SUSD4: variants seen among roughly 807,000 people sequenced by gnomAD.
SUSD4 encodes sushi domain containing 4.
In SUSD4, 41 loss-of-function variants were observed where a neutral mutation model predicts 50.5. The ratio of observed to expected loss-of-function variants is 0.81; its 90% CI spans 0.63 to 1.05. The LOEUF (loss-of-function observed/expected upper bound fraction) is 1.05. Among genes scored for constraint, SUSD4 ranks in the 50% least tolerant of loss-of-function variants. SUSD4 has a pLI of 0.00. For missense variants in SUSD4, 580 were observed against 634.7 expected, an observed-to-expected ratio of 0.91 and a Z score of 0.93; for synonymous variants, 257 against 257.3, an observed-to-expected ratio of 1.00 and a Z score of 0.01.
chr1:223,307,891 T>C (rs1665640078), intron 2 of SUSD4, among the ~76,000 whole-genome samples: 1 of 152,198 alleles, frequency 6.6e-6, no homozygotes, highest in Non-Finnish European at 1.5e-5. Context: ...AAATTTATCA[T>C]GAAAAACTTT....
chr1:223,235,154 G>GAAA, intron 5 of SUSD4: 3 of 1,370,402 alleles, frequency 2.2e-6, no homozygotes, highest in Admixed American at 2.8e-5. Context: ...TCTCTTGATT[G>GAAA]AAAAAAAAAA....
At chr1:223,327,927 T>A (rs1444281713) in intron 2 of SUSD4, among the ~76,000 whole-genome samples, 2 of 152,164 alleles carry the variant, frequency 1.3e-5, no homozygotes. Flanking sequence ...AAGGGTGATG[T>A]CTTGCTTGGC....
intron 2 of SUSD4, among the ~76,000 whole-genome samples, chr1:223,340,958 T>A (rs951669536): frequency 6.6e-6 from 1 of 152,256 alleles, no homozygotes; most frequent in Non-Finnish European, 1.5e-5. Context: ...GGTTTGCATG[T>A]TAGGTGCCGA....
chr1:223,234,605 A>G (rs1660093024), intron 5 of SUSD4, among the ~76,000 whole-genome samples: 1 of 152,192 alleles, frequency 6.6e-6, no homozygotes, highest in Non-Finnish European at 1.5e-5. Flanking sequence ...CCTGTTGGCA[A>G]TGAGCTGCAA....
rs182212288 is a variant in SUSD4 at position 223,224,844 on chromosome 1, A to G, written c.1062-1213T>C. ...ACCCAGGGTGGCTAATAAGTAGCCA[A>G]TAGAACTTGGTTTCTTCCTTTTTTT... On this transcript the variant is annotated intron_variant, in intron 7 of 8. Transcript: ENST00000366878. 6.4e-3 allele frequency among the ~76,000 whole-genome samples: 953 copies of G among 149,306 alleles called. 6 individuals carry two copies. Among genetic ancestry groups the G allele is most frequent in the Middle Eastern group, 0.01 (3 of 286 alleles).
At chr1:223,362,137 C>G (rs2102607253) in intron 2 of SUSD4, among the ~76,000 whole-genome samples, 1 of 152,296 alleles carries the variant, frequency 6.6e-6, no homozygotes, top group East Asian at 1.9e-4. Context: ...CAATAAACAC[C>G]TTTATACTCT....
chr1:223,309,545 G>A (rs1665748136), intron 2 of SUSD4, among the ~76,000 whole-genome samples: 1 of 152,144 alleles, frequency 6.6e-6, no homozygotes, highest in Admixed American at 6.5e-5. Flanking sequence ...GAGTTCCTAA[G>A]GGGCAACCTG....
chr1:223,235,024 G>T, intron 5 of SUSD4: 1 of 1,611,466 alleles, frequency 6.2e-7, no homozygotes, highest in Non-Finnish European at 8.5e-7. Context: ...TTAACACAGG[G>T]CAAAAATAAA....
chr1:223,328,956 C>G (rs1667026043), intron 2 of SUSD4, among the ~76,000 whole-genome samples: 1 of 152,220 alleles, frequency 6.6e-6, no homozygotes, highest in Admixed American at 6.5e-5. Context: ...ACTTCCAAAT[C>G]TCTCTGTCAC....
chr1:223,307,184 C>G (rs1665590131), intron 2 of SUSD4, among the ~76,000 whole-genome samples: 1 of 152,114 alleles, frequency 6.6e-6, no homozygotes, highest in Non-Finnish European at 1.5e-5. Flanking sequence ...AAAAACCTCC[C>G]AAAGCACAAG....
chr1:223,330,963 C>T (rs1301138239), intron 2 of SUSD4, among the ~76,000 whole-genome samples: 1 of 152,122 alleles, frequency 6.6e-6, no homozygotes, highest in Non-Finnish European at 1.5e-5. Flanking sequence ...GGACCTCTGT[C>T]CTAATAAAAA....
rs76074479 is a variant in SUSD4, at chr1:223,229,184, C to A, written c.916+13G>T. The A allele has an allele frequency of 6.3e-7, 1 of 1,588,796 alleles. No homozygotes were observed. Among genetic ancestry groups the A allele is most frequent in the East Asian group, 2.3e-5 (1 of 44,086 alleles). ...GGGTCCATCTCCTCCAAGGGTGAGG[C>A]CTTCAGTCTTACCTGATTTGATGCA... On this transcript the variant is annotated intron_variant, in intron 6 of 8. Coordinates refer to ENST00000366878, the MANE Select transcript of SUSD4 (RefSeq NM_017982.4). This position sits in a 1 kb window ranked among gnomAD's most constrained non-coding sequence, Gnocchi z 4.7.
chr1:223,288,298 G>A (rs369800822), intron 3 of SUSD4, among the ~76,000 whole-genome samples: 3 of 152,270 alleles, frequency 2.0e-5, no homozygotes, highest in South Asian at 2.1e-4. Context: ...CATGTATGCC[G>A]TACTTTGCTT....
At chr1:223,348,489 A>C (rs983098072) in intron 2 of SUSD4, among the ~76,000 whole-genome samples, 1 of 152,160 alleles carries the variant, frequency 6.6e-6, no homozygotes, top group African/African-American at 2.4e-5. Flanking sequence ...TGCCATGTAG[A>C]CAGAAGCCAC....
At chr1:223,364,822 C>G (rs1457144801), upstream of SUSD4, among the ~76,000 whole-genome samples, 2 of 152,086 alleles carry the variant, frequency 1.3e-5, no homozygotes, top group Non-Finnish European at 2.9e-5. The surrounding 1 kb of genome is among the most constrained non-coding windows in gnomAD (Gnocchi z 4.5). Context: ...GCCCGAGTCT[C>G]TTAATTTCCC....
At chr1:223,281,363 A>G (rs1323677321) in intron 3 of SUSD4, among the ~76,000 whole-genome samples, 1 of 152,238 alleles carries the variant, frequency 6.6e-6, no homozygotes, top group Non-Finnish European at 1.5e-5. Context: ...AGAAGAAAAG[A>G]GAGAAGAATC....
intron 2 of SUSD4, among the ~76,000 whole-genome samples, chr1:223,297,180 G>C (rs1558226659): frequency 2.0e-5 from 3 of 152,242 alleles, no homozygotes; most frequent in Admixed American, 6.5e-5. Flanking sequence ...GCAGGGACAG[G>C]AAAGGACTGT....
chr1:223,347,153 G>A (rs531135683), intron 2 of SUSD4, among the ~76,000 whole-genome samples: 1 of 152,050 alleles, frequency 6.6e-6, no homozygotes, highest in Non-Finnish European at 1.5e-5. Flanking sequence ...TAAGCAATAT[G>A]GAAAATTGGG....
intron 5 of SUSD4, 77 bp downstream of exon 5, chr1:223,264,553 C>T: frequency 6.4e-7 from 1 of 1,568,052 alleles, no homozygotes; most frequent in Non-Finnish European, 8.6e-7. Flanking sequence ...TCATAATTCA[C>T]AGCTCTTCCT....
Sources: gnomAD v4.1 joint callset for allele counts (sites outside exome capture counted in the v4.1 genomes callset) on GRCh38, gnomAD v4.1.1 for gene constraint, Gnocchi (gnomAD v3.1) non-coding constraint, MANE v1.5 for transcripts, NCBI Gene and HGNC (gene_info 2026-07-23, HGNC 2026-07-21) for gene names.